ZNF385B: variants seen among roughly 807,000 people sequenced by gnomAD.
ZNF385B encodes the protein zinc finger protein 533.
A neutral mutation model predicts 39.2 loss-of-function variants in ZNF385B; 23 were observed. That is an observed-to-expected ratio of 0.59 (90% CI 0.42 to 0.83). ZNF385B has a LOEUF of 0.83. Ranked by LOEUF, ZNF385B falls within the 40% of genes least tolerant of loss-of-function variation. The pLI, the probability that ZNF385B is intolerant of heterozygous loss-of-function variation, is 0.00. For missense variants in ZNF385B, 552 were observed against 598.9 expected (o/e 0.92, Z 0.82); for synonymous variants, 205 against 222.6 (o/e 0.92, Z 0.70).
At chr2:179,443,508 GT>G (rs1373202201) in intron 9 of ZNF385B, 40 bp from the exon 10 acceptor site, 2 of 1,481,212 alleles carry the variant, frequency 1.4e-6, no homozygotes, top group Non-Finnish European at 1.9e-6. Context: ...TGGAGATCCT[GT>G]TTTTGAATAA....
At chr2:179,513,266 G>C (rs1026113187) in intron 5 of ZNF385B, among the ~76,000 whole-genome samples, 2 of 152,164 alleles carry the variant, frequency 1.3e-5, no homozygotes, top group African/African-American at 2.4e-5. Flanking sequence ...TCAGAGCTTG[G>C]TTATGCAGAT....
intron 3 of ZNF385B, among the ~76,000 whole-genome samples, chr2:179,763,090 AGGT>A (rs1341662479): frequency 6.6e-6 from 1 of 152,150 alleles, no homozygotes; most frequent in African/African-American, 2.4e-5. Context: ...TTTTTAATAG[AGGT>A]GGAGTTTCAC....
intron 4 of ZNF385B, among the ~76,000 whole-genome samples, chr2:179,538,894 G>T (rs570817041): frequency 2.0e-4 from 31 of 152,334 alleles, no homozygotes; most frequent in African/African-American, 7.5e-4. Flanking sequence ...TAAAACACCT[G>T]CCAATTGGCA....
chr2:179,574,520 T>C (rs1685588003), intron 3 of ZNF385B, among the ~76,000 whole-genome samples: 1 of 152,110 alleles, frequency 6.6e-6, no homozygotes, highest in Admixed American at 6.6e-5. Flanking sequence ...TAAACAATGA[T>C]AAAATCTGCT....
At chr2:179,567,271 T>C (rs115534000) in intron 3 of ZNF385B, among the ~76,000 whole-genome samples, 6 of 152,234 alleles carry the variant, frequency 3.9e-5, no homozygotes, top group African/African-American at 1.4e-4. Context: ...AATTGCAATT[T>C]TGGATTTTCA....
rs530666173 is a variant in ZNF385B, at chr2:179,811,796, C to T, written c.-154-41124G>A. On this transcript the variant is annotated intron_variant, in intron 1 of 9. Transcript: ENST00000410066. ...TGCCACACACACAAAAAAAAATTGACGAGTGGGACCTAATTAAAATAAAGA... is the reference window on the plus strand; with the variant it reads ...TGCCACACACACAAAAAAAAATTGATGAGTGGGACCTAATTAAAATAAAGA... Among the ~76,000 whole-genome samples the T allele has an allele frequency of 1.3e-3, 195 of 152,036 alleles. 2 individuals carry two copies. The highest frequency in any genetic ancestry group is 3.9e-3 in the African/African-American group (163 of 41,516).
intron 4 of ZNF385B, among the ~76,000 whole-genome samples, chr2:179,537,172 C>T (rs2059617972): frequency 6.6e-6 from 1 of 151,618 alleles, no homozygotes; most frequent in African/African-American, 2.4e-5. Flanking sequence ...TAACCGGGCA[C>T]ATGCCTGTAA....
At chr2:179,706,061 T>C (rs982564530) in intron 3 of ZNF385B, among the ~76,000 whole-genome samples, 1 of 152,182 alleles carries the variant, frequency 6.6e-6, no homozygotes, top group African/African-American at 2.4e-5. Flanking sequence ...CCCTATGGTA[T>C]AAAAAGAATG....
intron 3 of ZNF385B, among the ~76,000 whole-genome samples, chr2:179,618,270 A>C (rs980394014): frequency 6.6e-6 from 1 of 152,004 alleles, no homozygotes; most frequent in East Asian, 1.9e-4. Flanking sequence ...ACTATTGCCA[A>C]CCTCTGTATT....
chr2:179,612,067 C>CTTAATCATTTTAAT (rs1248526549), intron 3 of ZNF385B, among the ~76,000 whole-genome samples: 1 of 151,980 alleles, frequency 6.6e-6, no homozygotes, highest in Non-Finnish European at 1.5e-5. Context: ...ATTTCTGATT[C>CTTAATCATTTTAAT]TTAATCATTT....
intron 1 of ZNF385B, among the ~76,000 whole-genome samples, chr2:179,836,513 C>CTTTTTTTTTTTTTTT (rs755278598): frequency 1.6e-5 from 2 of 124,178 alleles, no homozygotes; most frequent in Non-Finnish European, 3.2e-5. Flanking sequence ...CTTGCGTTTT[C>CTTTTTTTTTTTTTTT]TTTTTTTTTT....
intron 3 of ZNF385B, among the ~76,000 whole-genome samples, chr2:179,634,444 A>G (rs1322997219): frequency 6.6e-6 from 1 of 152,260 alleles, no homozygotes; most frequent in East Asian, 1.9e-4. Context: ...CAACAGACAC[A>G]TGAAAAAATG....
intron 3 of ZNF385B, among the ~76,000 whole-genome samples, chr2:179,652,354 CCAAA>C (rs1693271008): frequency 6.6e-6 from 1 of 152,048 alleles, no homozygotes; most frequent in African/African-American, 2.4e-5. Flanking sequence ...ATAGTTTATC[CCAAA>C]CAGTGTTAAC....
At chr2:179,860,172 A>C (rs1280107013) in intron 1 of ZNF385B, among the ~76,000 whole-genome samples, 1 of 152,228 alleles carries the variant, frequency 6.6e-6, no homozygotes, top group Admixed American at 6.5e-5. Flanking sequence ...CCAAAAGGAA[A>C]TGCAAACCTC....
At chr2:179,835,712 G>A (rs1320151301) in intron 1 of ZNF385B, among the ~76,000 whole-genome samples, 1 of 151,872 alleles carries the variant, frequency 6.6e-6, no homozygotes, top group African/African-American at 2.4e-5. Context: ...TGGAACTGGT[G>A]TTCTCTGTGC....
At chr2:179,737,710 G>T (rs1701850698) in intron 3 of ZNF385B, among the ~76,000 whole-genome samples, 1 of 152,050 alleles carries the variant, frequency 6.6e-6, no homozygotes, top group Admixed American at 6.6e-5. Context: ...CTCTCCACTT[G>T]CTATGCAAAA....
intron 3 of ZNF385B, among the ~76,000 whole-genome samples, chr2:179,715,505 T>C (rs962682170): frequency 6.6e-5 from 10 of 152,162 alleles, no homozygotes; most frequent in Non-Finnish European, 1.5e-4. Flanking sequence ...AAAAATAACA[T>C]TTACAGCTGG....
rs925440473 is a variant in ZNF385B at position 179,766,549 on chromosome 2, C to G, written c.298+2954G>C. On this transcript the variant is annotated intron_variant, in intron 3 of 9. Coordinates refer to ENST00000410066, the MANE Select transcript of ZNF385B (RefSeq NM_152520.6). The stretch of plus-strand genomic sequence containing the variant: ...GAAGGATCTATTCTAGGGCTCTCTC[C>G]TTGGCTTGTAGATGGCTGTCTTCTC... Among the ~76,000 whole-genome samples, 3 of 152,094 alleles carry G rather than the reference C, an allele frequency of 2.0e-5. No homozygotes were observed. The East Asian group carries it at 5.8e-4, about 29-fold the overall frequency.
chr2:179,809,537 G>A (rs578198197), intron 1 of ZNF385B, among the ~76,000 whole-genome samples: 9 of 152,156 alleles, frequency 5.9e-5, no homozygotes, highest in African/African-American at 2.2e-4. Flanking sequence ...CTATCGTTGA[G>A]TCTTATGCTA....
Sources: allele counts gnomAD v4.1 joint callset (sites outside exome capture counted in the v4.1 genomes callset), GRCh38; gene constraint gnomAD v4.1.1; transcripts MANE v1.5; gene names NCBI Gene and HGNC (gene_info 2026-07-23, HGNC 2026-07-21).